ADARB1: variants seen among roughly 807,000 people sequenced by gnomAD.
The protein encoded by ADARB1 is adenosine deaminase RNA specific B1, also known as double-stranded RNA-specific editase 1.
Under a neutral mutation model 52.4 loss-of-function variants are expected in ADARB1, and 10 were observed. The ratio of observed to expected loss-of-function variants is 0.19; its 90% CI spans 0.12 to 0.32. ADARB1 has a LOEUF of 0.32. Ranked by LOEUF, ADARB1 falls within the 10% of genes least tolerant of loss-of-function variation. The pLI, the probability that ADARB1 is intolerant of heterozygous loss-of-function variation, is 1.00. For missense variants in ADARB1, 643 were observed against 922.3 expected (o/e 0.70, Z 3.92); for synonymous variants, 349 against 371.1 (o/e 0.94, Z 0.68).
intron 1 of ADARB1, among the ~76,000 whole-genome samples, chr21:45,099,144 C>T (rs922055442): frequency 3.3e-5 from 5 of 152,164 alleles, no homozygotes; most frequent in African/African-American, 9.7e-5. Context: ...GGGATTTTCA[C>T]GCATGTCTTC....
intron 1 of ADARB1, among the ~76,000 whole-genome samples, chr21:45,094,086 T>C (rs375621): frequency 0.94 from 143,505 of 152,276 alleles, 67,674 homozygotes; most frequent in East Asian, 0.98. Flanking sequence ...TTATATTTAA[T>C]GTTCTCTTTC....
chr21:45,197,435 G>A (rs534334962), intron 8 of ADARB1, among the ~76,000 whole-genome samples: 1 of 152,060 alleles, frequency 6.6e-6, no homozygotes, highest in Admixed American at 6.5e-5. Context: ...GGGAGGTAGA[G>A]GTTGTGGTGA....
chr21:45,150,070 G>C (rs1868688323), intron 2 of ADARB1, among the ~76,000 whole-genome samples: 1 of 152,232 alleles, frequency 6.6e-6, no homozygotes, highest in South Asian at 2.1e-4. Context: ...GTTCACCTGA[G>C]GTCGGGAGTT....
chr21:45,215,046 T>A (rs564628592), intron 9 of ADARB1, among the ~76,000 whole-genome samples: 8 of 152,244 alleles, frequency 5.3e-5, no homozygotes, highest in Non-Finnish European at 8.8e-5. Context: ...TAGGATTTTT[T>A]ATTGCTGTTT....
chr21:45,080,221 A>C (rs7276137), intron 1 of ADARB1, among the ~76,000 whole-genome samples: 10,859 of 152,176 alleles, frequency 0.071, 439 homozygotes, highest in Middle Eastern at 0.12. Flanking sequence ...GAGTCATGGG[A>C]TGGTGGCTGG....
chr21:45,151,586 A>G (rs1322260979), intron 2 of ADARB1, among the ~76,000 whole-genome samples: 1 of 152,072 alleles, frequency 6.6e-6, no homozygotes, highest in Non-Finnish European at 1.5e-5. Context: ...TCTTCAGGGC[A>G]TTTGGATGCA....
At chr21:45,114,238 A>G (rs1306506423) in intron 1 of ADARB1, among the ~76,000 whole-genome samples, 1 of 152,232 alleles carries the variant, frequency 6.6e-6, no homozygotes, top group Non-Finnish European at 1.5e-5. Flanking sequence ...CATGGATAGT[A>G]ACAGAAAGGA....
chr21:45,122,668 C>T (rs2088271713), intron 1 of ADARB1, among the ~76,000 whole-genome samples: 2 of 152,192 alleles, frequency 1.3e-5, no homozygotes, highest in Non-Finnish European at 1.5e-5. Flanking sequence ...TCCCACAGTA[C>T]TTCCCTTTCC....
intron 8 of ADARB1, among the ~76,000 whole-genome samples, chr21:45,199,975 CA>C: frequency 6.6e-6 from 1 of 152,168 alleles, no homozygotes; most frequent in Non-Finnish European, 1.5e-5. Flanking sequence ...AAGGAAGAAA[CA>C]AACACAAGCT....
At chr21:45,160,228 C>T (rs907898860) in intron 2 of ADARB1, among the ~76,000 whole-genome samples, 6 of 152,188 alleles carry the variant, frequency 3.9e-5, no homozygotes, top group South Asian at 2.1e-4. Flanking sequence ...GTGCAGGTAA[C>T]TGAAGGAATT....
chr21:45,173,394 T>G (rs2091566509), intron 3 of ADARB1, among the ~76,000 whole-genome samples: 1 of 152,166 alleles, frequency 6.6e-6, no homozygotes, highest in Non-Finnish European at 1.5e-5. Context: ...TCCTTTATGA[T>G]AGTAGCATTT....
At chr21:45,109,716 G>GT (rs2087448500) in intron 1 of ADARB1, among the ~76,000 whole-genome samples, 1 of 152,176 alleles carries the variant, frequency 6.6e-6, no homozygotes, top group Admixed American at 6.5e-5. Flanking sequence ...CCTTTTGGTT[G>GT]TTTCCAGGTT....
chr21:45,145,252 CGGG>C (rs992259722), intron 2 of ADARB1: 2 of 152,476 alleles, frequency 1.3e-5, no homozygotes, highest in African/African-American at 2.4e-5. Flanking sequence ...GTTTCCTAGA[CGGG>C]GGGGCACTCG....
chr21:45,093,871 G>C (rs946046676), intron 1 of ADARB1, among the ~76,000 whole-genome samples: 2 of 152,058 alleles, frequency 1.3e-5, no homozygotes, highest in Non-Finnish European at 2.9e-5. Context: ...TGGGTTTTTC[G>C]ACCCTGCACA....
At chr21:45,199,327 C>T (rs141503432) in intron 8 of ADARB1, among the ~76,000 whole-genome samples, 1 of 152,298 alleles carries the variant, frequency 6.6e-6, no homozygotes, top group Non-Finnish European at 1.5e-5. Context: ...CAGCTCAGCT[C>T]ATCATCCAGA....
chr21:45,127,380 G>A (rs1409117226), intron 1 of ADARB1, among the ~76,000 whole-genome samples: 4 of 152,214 alleles, frequency 2.6e-5, no homozygotes, highest in Admixed American at 1.3e-4. Flanking sequence ...TCTGTGACCT[G>A]TAATTCCAGG....
chr21:45,099,805 G>A (rs1375348086), intron 1 of ADARB1, among the ~76,000 whole-genome samples: 2 of 152,150 alleles, frequency 1.3e-5, no homozygotes, highest in African/African-American at 4.8e-5. Flanking sequence ...TGGAGTTTCT[G>A]GGAGTGCTCT....
At chr21:45,127,624 A>C (rs976948893) in intron 1 of ADARB1, among the ~76,000 whole-genome samples, 2 of 152,296 alleles carry the variant, frequency 1.3e-5, no homozygotes, top group Middle Eastern at 3.4e-3. Context: ...CCAAGTCTGC[A>C]TAGCGAGAGT....
At chr21:45,214,131 T>C (rs1020466906) in intron 9 of ADARB1, among the ~76,000 whole-genome samples, 2 of 152,360 alleles carry the variant, frequency 1.3e-5, no homozygotes, top group African/African-American at 4.8e-5. Flanking sequence ...ATTGCTCTGA[T>C]GACTAATGAA....
Sources: allele counts gnomAD v4.1 joint callset (sites outside exome capture counted in the v4.1 genomes callset), GRCh38; gene constraint gnomAD v4.1.1; transcripts MANE v1.5; gene names NCBI Gene and HGNC (gene_info 2026-07-23, HGNC 2026-07-21).